The following NUP205 variants were observed in gnomAD, a reference collection of about 807,000 sequenced individuals.
NUP205 encodes the protein nuclear pore complex protein Nup205.
A neutral mutation model predicts 253.8 loss-of-function variants in NUP205; 76 were observed. That is an observed-to-expected ratio of 0.30 (90% confidence interval 0.25 to 0.36). The LOEUF (loss-of-function observed/expected upper bound fraction) is 0.36. NUP205 is among the 10% of genes least tolerant of loss of function. NUP205 has a pLI of 1.00. For synonymous variants in NUP205, 832 were observed against 850.1 expected (o/e 0.98, Z 0.37); for missense variants, 2,162 against 2,425.5 (o/e 0.89, Z 2.28).
chr7:135,572,347 A>T (rs1334875022), intron 2 of NUP205, among the ~76,000 whole-genome samples: 1 of 152,104 alleles, frequency 6.6e-6, no homozygotes, highest in African/African-American at 2.4e-5. Context: ...GCTTGGTAAG[A>T]TTGATTATTT....
At chr7:135,564,830 C>T (rs918201928) in intron 1 of NUP205, among the ~76,000 whole-genome samples, 10 of 151,030 alleles carry the variant, frequency 6.6e-5, no homozygotes, top group Non-Finnish European at 1.3e-4. Flanking sequence ...TGCAGTGGTG[C>T]GCTCTTGGCT....
intron 1 of NUP205, 82 bp downstream of exon 1, chr7:135,558,054 G>A: frequency 7.4e-6 from 9 of 1,211,018 alleles, no homozygotes; most frequent in Non-Finnish European, 1.1e-5. Flanking sequence ...AGGTTTCTCG[G>A]AGTCTAGGAC....
intron 10 of NUP205, among the ~76,000 whole-genome samples, chr7:135,590,827 A>C (rs887141671): frequency 6.6e-6 from 1 of 152,186 alleles, no homozygotes; most frequent in Non-Finnish European, 1.5e-5. Context: ...CACTGCGCCC[A>C]GCCAAACCAT....
chr7:135,573,910 T>G, intron 3 of NUP205, 85 bp downstream of exon 3: 1 of 1,069,768 alleles, frequency 9.3e-7, no homozygotes, highest in Non-Finnish European at 1.4e-6. Flanking sequence ...ATTGTTTAGA[T>G]TCTATCATAG....
At chr7:135,621,740 G>T (rs1358838698) in intron 30 of NUP205, among the ~76,000 whole-genome samples, 2 of 152,074 alleles carry the variant, frequency 1.3e-5, no homozygotes, top group Non-Finnish European at 2.9e-5. Context: ...AAAAATATCT[G>T]ATTTTTTTGG....
At position 135,629,469 on chromosome 7, in the gene NUP205, A is replaced by ATCTCTCTCTCTCTCTCTCTCTCTCTC. The variant is rs201403059; in HGVS notation, c.4933-859_4933-834dup. Among the ~76,000 whole-genome samples, 305 of 119,764 alleles carry ATCTCTCTCTCTCTCTCTCTCTCTCTC rather than the reference A, an allele frequency of 2.5e-3. 10 individuals are homozygous for ATCTCTCTCTCTCTCTCTCTCTCTCTC. Among genetic ancestry groups the ATCTCTCTCTCTCTCTCTCTCTCTCTC allele is most frequent in the Non-Finnish European group, 4.1e-3 (238 of 58,138 alleles). 78.6% of individuals were successfully genotyped at this position (119,764 alleles called of 152,430 possible). On this transcript the variant is annotated intron_variant, in intron 34 of 42. Coordinates refer to ENST00000285968, the MANE Select transcript of NUP205 (RefSeq NM_015135.3). ...AGCCTGGGCAACATAGTGAGACCCT[A>ATCTCTCTCTCTCTCTCTCTCTCTCTC]TCTCTCTCTCTCTCTCTCTCTCTCT...
chr7:135,610,460 T>G (rs1794200393), intron 22 of NUP205, among the ~76,000 whole-genome samples: 1 of 152,222 alleles, frequency 6.6e-6, no homozygotes, highest in Admixed American at 6.5e-5. Context: ...CCTTAGGTGA[T>G]CCACCCGCCT....
chr7:135,594,856 T>C, intron 13 of NUP205, 127 bp downstream of exon 13: 1 of 697,698 alleles, frequency 1.4e-6, no homozygotes, highest in Non-Finnish European at 2.3e-6. Context: ...AGAGTTACGG[T>C]TTAGGGACTG....
At chr7:135,564,654 C>T (rs371622659) in intron 1 of NUP205, among the ~76,000 whole-genome samples, 37 of 151,986 alleles carry the variant, frequency 2.4e-4, no homozygotes, top group African/African-American at 8.5e-4. Flanking sequence ...ACCTCAGCCT[C>T]TCAAAGTGCT....
At chr7:135,592,637 A>T (rs2129490286) in intron 11 of NUP205, among the ~76,000 whole-genome samples, 1 of 152,354 alleles carries the variant, frequency 6.6e-6, no homozygotes, top group South Asian at 2.1e-4. Flanking sequence ...CTGTAATCCC[A>T]GCACTTTGGG....
intron 5 of NUP205, 77 bp from the exon 6 acceptor site, chr7:135,577,719 A>G: frequency 9.5e-7 from 1 of 1,057,520 alleles, no homozygotes; most frequent in Non-Finnish European, 1.4e-6. Context: ...GCCTTTGTAA[A>G]AGGTAGTTTG....
Position 135,619,870 on chromosome 7 carries a change from C to A in NUP205, c.4312C>A (p.Pro1438Thr), listed in dbSNP as rs780480709. 1 of 1,609,566 alleles carries A rather than the reference C, an allele frequency of 6.2e-7. No individual in the cohort carries two copies. Among genetic ancestry groups the A allele is most frequent in the Non-Finnish European group, 8.5e-7 (1 of 1,176,124 alleles). ...ACAGATTGCCCAGAGACCTGATGAACCAGACACCTTAGAAGCAGGTAGAAT... is the reference window on the plus strand; with the variant it reads ...ACAGATTGCCCAGAGACCTGATGAAACAGACACCTTAGAAGCAGGTAGAAT... ...YLQIAQRPDE[P>T]DTLEAAKKTM... The change falls in exon 30 of 43, where the codon CCA (proline) becomes ACA (threonine). Residue 1438 changes from proline to threonine, a missense_variant. By Grantham distance (38) the Pro-to-Thr change is conservative. Transcript: ENST00000285968.
Position 135,598,126 on chromosome 7 carries a change from C to T in NUP205, c.2193C>T (p.Gly731=), listed in dbSNP as rs1439402211. The change falls in exon 15 of 43, where the codon GGC becomes GGT. Residue 731 remains glycine (G), a synonymous_variant. Transcript: ENST00000285968. ...TGGGTGCTGGACTGCGGCCCCCTGGCTTTGACCCTTATTTGCAGTTCCTTA... is the reference window on the plus strand; with the variant it reads ...TGGGTGCTGGACTGCGGCCCCCTGGTTTTGACCCTTATTTGCAGTTCCTTA... ...SNLGAGLRPP[G]FDPYLQFLRD... is the part of the protein sequence containing the mutation. 6.2e-6 allele frequency: 10 copies of T among 1,614,124 alleles called. No homozygotes were observed. The highest frequency in any genetic ancestry group is 8.5e-6 in the Non-Finnish European group (10 of 1,180,016).
intron 33 of NUP205, among the ~76,000 whole-genome samples, chr7:135,626,680 G>T (rs567278441): frequency 6.6e-6 from 1 of 152,022 alleles, no homozygotes; most frequent in Admixed American, 6.6e-5. Context: ...TTCCTGTTCC[G>T]GATGATTTGA....
chr7:135,582,107 G>A (rs1377048201), intron 7 of NUP205, among the ~76,000 whole-genome samples: 8 of 152,104 alleles, frequency 5.3e-5, no homozygotes, highest in Admixed American at 3.3e-4. Context: ...CCAACAGGGC[G>A]AAACCTTGAC....
chr7:135,597,296 T>C (rs1793861508), intron 13 of NUP205, 72 bp from the exon 14 acceptor site: 1 of 1,097,714 alleles, frequency 9.1e-7, no homozygotes, highest in African/African-American at 1.5e-5. Context: ...ATGTGACTAT[T>C]ATATTGCAAA....
intron 2 of NUP205, among the ~76,000 whole-genome samples, chr7:135,572,755 A>T (rs533642311): frequency 1.4e-3 from 217 of 152,174 alleles, no homozygotes; most frequent in African/African-American, 4.5e-3. Flanking sequence ...TGGTTTCACC[A>T]CGTTCGCCAG....
chr7:135,588,935 T>G (rs539242721), intron 10 of NUP205, among the ~76,000 whole-genome samples: 1 of 151,332 alleles, frequency 6.6e-6, no homozygotes, highest in South Asian at 2.1e-4. Flanking sequence ...ATCCCAGTGC[T>G]TTGGGAAGCT....
chr7:135,560,629 A>G (rs1405909690), intron 1 of NUP205, among the ~76,000 whole-genome samples: 2 of 152,276 alleles, frequency 1.3e-5, no homozygotes, highest in African/African-American at 4.8e-5. Flanking sequence ...ATGCATATAT[A>G]TAGTATCCTT....
Sources: allele counts gnomAD v4.1 joint callset (sites outside exome capture counted in the v4.1 genomes callset), GRCh38; gene constraint gnomAD v4.1.1; transcripts MANE v1.5; gene names NCBI Gene and HGNC (gene_info 2026-07-23, HGNC 2026-07-21).